PPFIBP2: variants seen among roughly 807,000 people sequenced by gnomAD.
PPFIBP2 encodes the protein PPFIB scaffold protein 2.
In PPFIBP2, 118 loss-of-function variants were observed where a neutral mutation model predicts 118.3. That is an observed-to-expected ratio of 1.00 (90% confidence interval 0.86 to 1.16). The LOEUF is 1.16. Among genes scored for constraint, PPFIBP2 ranks in the 50% most tolerant of loss-of-function variants. PPFIBP2 has a pLI of 0.00. For synonymous variants in PPFIBP2, 414 were observed against 397.4 expected, an observed-to-expected ratio of 1.04 and a Z score of -0.50; for missense variants, 1,195 against 1,073.1, an observed-to-expected ratio of 1.11 and a Z score of -1.59.
intron 3 of PPFIBP2, among the ~76,000 whole-genome samples, chr11:7,581,734 A>G (rs1026331675): frequency 2.6e-5 from 4 of 152,178 alleles, no homozygotes; most frequent in Admixed American, 6.5e-5. Flanking sequence ...CCTTGGGCTC[A>G]TATCTCACCT....
intron 5 of PPFIBP2, chr11:7,605,889 G>A: frequency 1.3e-6 from 2 of 1,501,172 alleles, no homozygotes; most frequent in South Asian, 1.3e-5. Context: ...CTACTGAGAA[G>A]CTGAACGAAA....
chr11:7,617,800 G>C (rs1313316673), intron 6 of PPFIBP2, among the ~76,000 whole-genome samples: 1 of 152,152 alleles, frequency 6.6e-6, no homozygotes, highest in African/African-American at 2.4e-5. Flanking sequence ...GAATAATTAA[G>C]TCATCATCTG....
intron 3 of PPFIBP2, among the ~76,000 whole-genome samples, chr11:7,590,893 G>C (rs553443643): frequency 6.6e-6 from 1 of 152,174 alleles, no homozygotes; most frequent in Admixed American, 6.5e-5. Context: ...CTATGAAAAC[G>C]TGAAGTTTCT....
intron 5 of PPFIBP2, chr11:7,605,631 A>AT: frequency 2.0e-6 from 2 of 1,019,072 alleles, no homozygotes; most frequent in Non-Finnish European, 1.2e-6. Context: ...TATGAATACA[A>AT]TTGGAATGAC....
intron 3 of PPFIBP2, among the ~76,000 whole-genome samples, chr11:7,574,923 C>T (rs1856097427): frequency 6.6e-6 from 1 of 152,122 alleles, no homozygotes; most frequent in Non-Finnish European, 1.5e-5. Context: ...TTGAGAATGC[C>T]ATAAAAATGT....
intron 2 of PPFIBP2, among the ~76,000 whole-genome samples, chr11:7,563,125 C>T (rs1436048011): frequency 6.6e-6 from 1 of 151,146 alleles, no homozygotes. Context: ...TTTTCCAAGG[C>T]CACACAGTGA....
At chr11:7,621,346 A>G (rs751745597) in intron 7 of PPFIBP2, among the ~76,000 whole-genome samples, 1 of 152,222 alleles carries the variant, frequency 6.6e-6, no homozygotes, top group East Asian at 1.9e-4. Flanking sequence ...CAGGCAGTGA[A>G]TCATGCGTCC....
intron 1 of PPFIBP2, among the ~76,000 whole-genome samples, chr11:7,538,077 C>A (rs151150005): frequency 6.6e-6 from 1 of 152,126 alleles, no homozygotes; most frequent in South Asian, 2.1e-4. Context: ...CAAGCAAATA[C>A]GGTGAAGGAA....
At chr11:7,636,716 A>G (rs11603006) in intron 14 of PPFIBP2, among the ~76,000 whole-genome samples, 131,781 of 152,198 alleles carry the variant, frequency 0.87, 57,199 homozygotes, top group East Asian at 0.97. Flanking sequence ...AAATATAAGT[A>G]ACGTAGAACT....
At chr11:7,580,141 T>C (rs1408083407) in intron 3 of PPFIBP2, among the ~76,000 whole-genome samples, 2 of 152,086 alleles carry the variant, frequency 1.3e-5, no homozygotes, top group African/African-American at 4.8e-5. Flanking sequence ...AGCTCCCAAG[T>C]GTATTTCTTC....
chr11:7,614,288 G>A (rs1214299954), intron 6 of PPFIBP2, among the ~76,000 whole-genome samples: 2 of 152,132 alleles, frequency 1.3e-5, no homozygotes, highest in South Asian at 2.1e-4. Context: ...GTTTGTATCC[G>A]TCCAGAGTTA....
intron 17 of PPFIBP2, 121 bp downstream of exon 17, chr11:7,642,547 C>A (rs750627560): frequency 9.5e-6 from 11 of 1,155,272 alleles, no homozygotes; most frequent in African/African-American, 3.1e-5. Flanking sequence ...ATATTCTCTT[C>A]CCCAGTCAAG....
intron 10 of PPFIBP2, among the ~76,000 whole-genome samples, chr11:7,630,340 G>A (rs993834601): frequency 6.6e-6 from 1 of 152,132 alleles, no homozygotes; most frequent in Admixed American, 6.6e-5. Flanking sequence ...GAGATGGAGT[G>A]TTACTCTGTC....
downstream of PPFIBP2, among the ~76,000 whole-genome samples, chr11:7,657,831 T>G (rs1287286942): frequency 1.3e-5 from 2 of 152,312 alleles, no homozygotes; most frequent in East Asian, 3.9e-4. Flanking sequence ...AGAGCACAGC[T>G]CACCTTGAAG....
At position 7,565,641 on chromosome 11, in the gene PPFIBP2, C is replaced by G. The variant is rs989698693; in HGVS notation, c.153C>G (p.Leu51=). 1 of 1,614,198 alleles carries G rather than the reference C, an allele frequency of 6.2e-7. No homozygotes were observed. Among genetic ancestry groups the G allele is most frequent in the Non-Finnish European group, 8.5e-7 (1 of 1,180,018 alleles). ...CCTACATGAACCCCTTCCCGGTGCT[C>G]CATCTCATCGAGGACTTGAGGCTGG... is the stretch of plus-strand genomic sequence containing the variant. The part of the protein sequence containing the change: ...PASYMNPFPV[L]HLIEDLRLAL... The change falls in exon 3 of 24, where the codon CTC becomes CTG. Residue 51 remains leucine, a synonymous_variant. Coordinates refer to ENST00000299492, the MANE Select transcript of PPFIBP2 (RefSeq NM_003621.5).
At chr11:7,562,661 A>G (rs571260596) in intron 2 of PPFIBP2, among the ~76,000 whole-genome samples, 38 of 152,156 alleles carry the variant, frequency 2.5e-4, no homozygotes, top group South Asian at 1.0e-3. Context: ...TGTTTATTCA[A>G]TATCATTTTG....
the PPFIBP2 span, among the ~76,000 whole-genome samples, chr11:7,664,120 G>T: frequency 2.0e-5 from 3 of 152,194 alleles, no homozygotes; most frequent in Admixed American, 6.5e-5. Flanking sequence ...CGTCGCTCAC[G>T]CTGGGAGCTG....
At chr11:7,640,787 A>G (rs1006151078) in intron 15 of PPFIBP2, among the ~76,000 whole-genome samples, 1 of 152,100 alleles carries the variant, frequency 6.6e-6, no homozygotes, top group Non-Finnish European at 1.5e-5. Context: ...CTGGGTGTGG[A>G]CACCTCAGCC....
Position 7,653,436 on chromosome 11 carries a change from G to T in PPFIBP2, c.*218G>T. The T allele has an allele frequency of 6.7e-7, 1 of 1,502,668 alleles. No individual in the cohort carries two copies. The allele number at this position is 1,502,668 out of a possible 1,614,324, so 93.1% of individuals were successfully genotyped here. ...GCTTTGGGGACCATTGCCAAAGGTG[G>T]ACTCAGGAGGAAAGACACTTAAAGA... On this transcript the variant is annotated 3_prime_UTR_variant, in exon 24 of 24. Transcript: ENST00000299492.
Sources: gnomAD v4.1 joint callset for allele counts (sites outside exome capture counted in the v4.1 genomes callset) on GRCh38, gnomAD v4.1.1 for gene constraint, MANE v1.5 for transcripts, NCBI Gene and HGNC (gene_info 2026-07-23, HGNC 2026-07-21) for gene names.